SMCO4: variants seen among roughly 807,000 people sequenced by gnomAD.
SMCO4 encodes single-pass membrane and coiled-coil domain-containing protein 4.
SMCO4 carries 4 observed loss-of-function variants against 3.6 expected under a neutral mutation model. The ratio of observed to expected loss-of-function variants is 1.11; its 90% CI spans 0.54 to 2.53. SMCO4 has a LOEUF of 2.53. SMCO4 is among the 30% of genes most tolerant of loss of function. SMCO4 has a pLI of 0.02. For synonymous variants in SMCO4, 36 were observed against 35.3 expected, an observed-to-expected ratio of 1.02 and a Z score of -0.07; for missense variants, 70 against 80.8, an observed-to-expected ratio of 0.87 and a Z score of 0.51.
intron 1 of SMCO4, among the ~76,000 whole-genome samples, chr11:93,514,928 C>A (rs1170979686): frequency 6.6e-6 from 1 of 152,130 alleles, no homozygotes; most frequent in Non-Finnish European, 1.5e-5. Flanking sequence ...AAAGAGACAA[C>A]ATAGTTAGAT....
chr11:93,516,123 T>C (rs772489026), intron 1 of SMCO4, among the ~76,000 whole-genome samples: 3 of 152,114 alleles, frequency 2.0e-5, no homozygotes, highest in African/African-American at 4.8e-5. Context: ...ATTATCCCTT[T>C]TACTAAAAAA....
At chr11:93,513,425 G>A (rs1948976908) in intron 1 of SMCO4, among the ~76,000 whole-genome samples, 1 of 152,184 alleles carries the variant, frequency 6.6e-6, no homozygotes, top group Non-Finnish European at 1.5e-5. Flanking sequence ...TGATGGGGGG[G>A]AACCCCTAAA....
chr11:93,551,912 A>G, the SMCO4 span, among the ~76,000 whole-genome samples: 48 of 152,286 alleles, frequency 3.2e-4, no homozygotes, highest in African/African-American at 1.2e-3. Flanking sequence ...ACTTGAAGGA[A>G]TCCATCTGGT....
chr11:93,501,175 T>C (rs1464780857), intron 1 of SMCO4, among the ~76,000 whole-genome samples: 1 of 152,190 alleles, frequency 6.6e-6, no homozygotes, highest in East Asian at 1.9e-4. Flanking sequence ...TGCAAACCAG[T>C]GCCAACTCTG....
intron 1 of SMCO4, among the ~76,000 whole-genome samples, chr11:93,516,459 T>C (rs1039678753): frequency 6.6e-6 from 1 of 152,248 alleles, no homozygotes; most frequent in Non-Finnish European, 1.5e-5. Context: ...AAGGTGCTAA[T>C]TGTGCATAAT....
At chr11:93,480,107 G>A (rs12808363) in intron 2 of SMCO4, among the ~76,000 whole-genome samples, 17,086 of 152,212 alleles carry the variant, frequency 0.11, 1,260 homozygotes, top group Non-Finnish European at 0.16. Context: ...TATAAAAGTC[G>A]GCTTCTTAGC....
intron 1 of SMCO4, among the ~76,000 whole-genome samples, chr11:93,506,051 G>T (rs145568438): frequency 1.3e-5 from 2 of 151,916 alleles, no homozygotes; most frequent in Admixed American, 6.6e-5. Flanking sequence ...ATATACACAC[G>T]TGTGCATTTA....
At chr11:93,485,990 ATGAATGACCAAC>A (rs1251643722) in intron 2 of SMCO4, among the ~76,000 whole-genome samples, 52 of 152,352 alleles carry the variant, frequency 3.4e-4, no homozygotes, top group African/African-American at 1.1e-3. Context: ...TAAGTATTTA[ATGAATGACCAAC>A]TGAATGAGGA....
chr11:93,520,970 G>A (rs183305396), intron 1 of SMCO4, among the ~76,000 whole-genome samples: 4 of 152,310 alleles, frequency 2.6e-5, no homozygotes, highest in South Asian at 2.1e-4. Flanking sequence ...TCACTGTGTC[G>A]ACACAAAACC....
At chr11:93,552,121 T>C in the SMCO4 span, among the ~76,000 whole-genome samples, 1 of 149,280 alleles carries the variant, frequency 6.7e-6, no homozygotes, top group Non-Finnish European at 1.5e-5. Flanking sequence ...GTATGTTTTA[T>C]AATTTAAAAA....
the SMCO4 span, among the ~76,000 whole-genome samples, chr11:93,551,252 C>G: frequency 6.6e-6 from 1 of 152,086 alleles, no homozygotes; most frequent in African/African-American, 2.4e-5. Context: ...ATAAAGAGAA[C>G]AAGTTTTATA....
intron 2 of SMCO4, among the ~76,000 whole-genome samples, chr11:93,482,733 T>C (rs570783814): frequency 7.2e-5 from 11 of 152,292 alleles, no homozygotes; most frequent in African/African-American, 2.6e-4. Context: ...AGGGAAAAAC[T>C]GTCAGTGGCA....
chr11:93,521,664 CAG>C (rs1304906361), intron 1 of SMCO4, among the ~76,000 whole-genome samples: 20 of 152,194 alleles, frequency 1.3e-4, no homozygotes, highest in African/African-American at 4.8e-4. Flanking sequence ...CATTTCCTTG[CAG>C]AGACAGTATT....
intron 1 of SMCO4, among the ~76,000 whole-genome samples, chr11:93,542,271 G>A (rs10128553): frequency 0.95 from 145,162 of 152,218 alleles, 69,598 homozygotes; most frequent in East Asian, 1. Flanking sequence ...CCACCCTCGA[G>A]GCTGTGAGCA....
At chr11:93,479,969 G>A (rs1426065496) in intron 2 of SMCO4, among the ~76,000 whole-genome samples, 1 of 152,160 alleles carries the variant, frequency 6.6e-6, no homozygotes, top group African/African-American at 2.4e-5. Context: ...CCACAGTCCT[G>A]CCACCCACTC....
upstream of SMCO4, among the ~76,000 whole-genome samples, chr11:93,546,330 T>C (rs1435577497): frequency 6.6e-6 from 1 of 152,236 alleles, no homozygotes; most frequent in African/African-American, 2.4e-5. Flanking sequence ...TAAAATCCTT[T>C]GGCAGTCAAC....
intron 1 of SMCO4, among the ~76,000 whole-genome samples, chr11:93,500,664 T>G (rs1045532009): frequency 2.0e-5 from 3 of 152,312 alleles, no homozygotes; most frequent in Middle Eastern, 3.4e-3. Context: ...CAAAGCAGCA[T>G]GTAGTCTAGT....
chr11:93,498,292 A>G (rs1455985540), intron 2 of SMCO4, among the ~76,000 whole-genome samples: 1 of 152,250 alleles, frequency 6.6e-6, no homozygotes, highest in East Asian at 1.9e-4. Context: ...GTTTGAGAAA[A>G]GGAACCTGCT....
chr11:93,534,213 TATACACACACACACACACACACACACAC>T (rs59983572), intron 1 of SMCO4, among the ~76,000 whole-genome samples: 604 of 25,926 alleles, frequency 0.023, 33 homozygotes, highest in Middle Eastern at 0.12. Context: ...AAAATATATA[TATACACACACACACACACACACACACAC>T]ACACACACAC....
Sources: gnomAD v4.1 joint callset for allele counts (sites outside exome capture counted in the v4.1 genomes callset) on GRCh38, gnomAD v4.1.1 for gene constraint, MANE v1.5 for transcripts, NCBI Gene and HGNC (gene_info 2026-07-23, HGNC 2026-07-21) for gene names.